DLGAP1: variants seen among roughly 807,000 people sequenced by gnomAD.
DLGAP1 encodes the protein disks large-associated protein 1.
Under a neutral mutation model 90.8 loss-of-function variants are expected in DLGAP1, and 11 were observed. The ratio of observed to expected loss-of-function variants is 0.12; its 90% CI spans 0.08 to 0.20. The LOEUF is 0.20. Ranked by LOEUF, DLGAP1 falls within the 10% of genes least tolerant of loss-of-function variation. The pLI is 1.00. For missense variants in DLGAP1, 1,050 were observed against 1,333.8 expected, an observed-to-expected ratio of 0.79 and a Z score of 3.31; for synonymous variants, 558 against 540.7, an observed-to-expected ratio of 1.03 and a Z score of -0.44.
chr18:3,698,443 G>A (rs1014488274), intron 7 of DLGAP1, among the ~76,000 whole-genome samples: 1 of 152,170 alleles, frequency 6.6e-6, no homozygotes, highest in African/African-American at 2.4e-5. Context: ...CTTCACTTAA[G>A]AAGCTTAGTT....
At chr18:4,418,086 T>C (rs887150146) in intron 1 of DLGAP1, among the ~76,000 whole-genome samples, 1 of 152,136 alleles carries the variant, frequency 6.6e-6, no homozygotes, top group African/African-American at 2.4e-5. Context: ...AAGTTGTTAC[T>C]AGAGGAATTT....
intron 1 of DLGAP1, among the ~76,000 whole-genome samples, chr18:4,337,571 G>C (rs1270280551): frequency 2.0e-5 from 3 of 152,074 alleles, no homozygotes; most frequent in Non-Finnish European, 4.4e-5. Flanking sequence ...TGACATTTTA[G>C]AGAGAAATAT....
chr18:3,865,521 TAGA>T (rs1296592183), intron 4 of DLGAP1, among the ~76,000 whole-genome samples: 5 of 152,356 alleles, frequency 3.3e-5, no homozygotes, highest in African/African-American at 7.2e-5. Flanking sequence ...CACCTAATCA[TAGA>T]AGTAGAACCT....
Position 3,982,113 on chromosome 18 carries a change from T to C in DLGAP1, c.-73+23003A>G, listed in dbSNP as rs552787096. ...GGGGCAGATAAAATAAAATAAAAGATCTTCATGGAATGGAAACACTTCTGA... is the reference window on the plus strand; with the variant it reads ...GGGGCAGATAAAATAAAATAAAAGACCTTCATGGAATGGAAACACTTCTGA... On this transcript the variant is annotated intron_variant, in intron 3 of 12. Transcript: ENST00000315677. 1.1e-4 allele frequency among the ~76,000 whole-genome samples: 16 copies of C among 152,226 alleles called. 1 individual carries two copies. In the South Asian group the frequency reaches 2.9e-3, roughly 28 times the overall value.
intron 1 of DLGAP1, among the ~76,000 whole-genome samples, chr18:4,228,444 A>G (rs749424253): frequency 6.6e-5 from 10 of 152,072 alleles, no homozygotes; most frequent in South Asian, 2.1e-4. Flanking sequence ...AATCCTCAAC[A>G]AAATACTAGC....
chr18:3,603,197 G>A lies in DLGAP1; in HGVS notation c.1592-20949C>T, dbSNP rs376123857. 1.6e-4 allele frequency: 25 copies of A among 152,262 alleles called. 1 individual carries two copies. Among genetic ancestry groups the A allele is most frequent in the Admixed American group, 3.3e-4 (5 of 15,276 alleles). 9.4% of individuals were successfully genotyped at this position (152,262 alleles called of 1,614,324 possible). A position where few individuals can be genotyped will look rare whatever the true frequency, so the allele number is the denominator to read the frequency against. ...AACCTTGTCAGGTCACCAGATAAAG[G>A]CAAGTCTTGTCACCCTCAGGCACCT... On this transcript the variant is annotated intron_variant, in intron 7 of 12. Transcript: ENST00000315677.
chr18:4,454,050 C>G lies in DLGAP1; in HGVS notation c.-267+956G>C, dbSNP rs931128436. On this transcript the variant is annotated intron_variant, in intron 1 of 12. Transcript: ENST00000315677. This position sits in a 1 kb window ranked among gnomAD's most constrained non-coding sequence, Gnocchi z 4.7. ...CTCGGACACAGGCACTCAGTGTCTC[C>G]GGCGCCGGCAGCCGAGCCACGGGCC... Among the ~76,000 whole-genome samples, 1 of 152,174 alleles carries G rather than the reference C, an allele frequency of 6.6e-6. No individual in the cohort carries two copies. Among genetic ancestry groups the G allele is most frequent in the African/African-American group, 2.4e-5 (1 of 41,458 alleles).
intron 12 of DLGAP1, among the ~76,000 whole-genome samples, chr18:3,501,231 T>A (rs925374649): frequency 1.4e-5 from 2 of 145,006 alleles, no homozygotes; most frequent in Admixed American, 6.9e-5. Flanking sequence ...AATGATTATT[T>A]AAAAAAAAAA....
At chr18:3,543,755 G>A (rs888501658) in intron 9 of DLGAP1, among the ~76,000 whole-genome samples, 4 of 152,180 alleles carry the variant, frequency 2.6e-5, no homozygotes, top group Admixed American at 6.5e-5. Context: ...TGACTGGAGC[G>A]AGTTTCCAGG....
chr18:3,530,512 T>A (rs189673372), intron 10 of DLGAP1, among the ~76,000 whole-genome samples: 11 of 152,254 alleles, frequency 7.2e-5, no homozygotes, highest in Admixed American at 6.5e-4. Context: ...AGAATTGAAA[T>A]CTGAAAGTTT....
At chr18:4,052,321 C>T (rs1240925250) in intron 2 of DLGAP1, among the ~76,000 whole-genome samples, 4 of 152,170 alleles carry the variant, frequency 2.6e-5, no homozygotes, top group African/African-American at 9.7e-5. Flanking sequence ...TCCATATGTC[C>T]TTTGAAATCT....
At chr18:3,880,962 A>AG (rs1383565718) in intron 3 of DLGAP1, among the ~76,000 whole-genome samples, 5 of 150,540 alleles carry the variant, frequency 3.3e-5, no homozygotes, top group South Asian at 2.1e-4. Context: ...AAAAAAAAAA[A>AG]AAAAAGAAAA....
chr18:3,807,860 C>T (rs1402552520), intron 5 of DLGAP1, among the ~76,000 whole-genome samples: 1 of 152,162 alleles, frequency 6.6e-6, no homozygotes, highest in African/African-American at 2.4e-5. Context: ...GAGTTCTCTC[C>T]TCTCTATAGT....
chr18:4,127,083 A>T (rs779444553), intron 2 of DLGAP1, among the ~76,000 whole-genome samples: 10 of 152,190 alleles, frequency 6.6e-5, no homozygotes, highest in Non-Finnish European at 1.3e-4. Context: ...GAAAATTTCC[A>T]AGAATAACTA....
chr18:4,241,763 T>C (rs558362063), intron 1 of DLGAP1, among the ~76,000 whole-genome samples: 2 of 152,332 alleles, frequency 1.3e-5, no homozygotes, highest in African/African-American at 2.4e-5. Context: ...TTCCTACACA[T>C]TGGTGTTGTC....
intron 4 of DLGAP1, among the ~76,000 whole-genome samples, chr18:3,835,325 A>G (rs533042116): frequency 8.5e-5 from 13 of 152,316 alleles, no homozygotes; most frequent in African/African-American, 2.9e-4. Flanking sequence ...AAGAATGGCA[A>G]GTTTTTATAG....
At chr18:3,669,590 A>G (rs2060009696) in intron 7 of DLGAP1, among the ~76,000 whole-genome samples, 1 of 152,228 alleles carries the variant, frequency 6.6e-6, no homozygotes, top group Non-Finnish European at 1.5e-5. Flanking sequence ...GATCGATGCC[A>G]TCGACCCGCG....
intron 1 of DLGAP1, among the ~76,000 whole-genome samples, chr18:4,334,078 A>G (rs891144213): frequency 2.6e-5 from 4 of 151,330 alleles, no homozygotes; most frequent in African/African-American, 9.8e-5. Flanking sequence ...GTCTCTACTA[A>G]AAACACAAAA....
At chr18:3,856,041 A>G (rs964748438) in intron 4 of DLGAP1, among the ~76,000 whole-genome samples, 8 of 152,234 alleles carry the variant, frequency 5.3e-5, no homozygotes, top group Non-Finnish European at 8.8e-5. Flanking sequence ...AATCCAGGCC[A>G]CTTTTCTAGA....
Sources: allele counts gnomAD v4.1 joint callset (sites outside exome capture counted in the v4.1 genomes callset), GRCh38; gene constraint gnomAD v4.1.1; non-coding constraint Gnocchi (gnomAD v3.1); transcripts MANE v1.5; gene names NCBI Gene and HGNC (gene_info 2026-07-23, HGNC 2026-07-21).